Variants in COL5A1 observed in about 807,000 individuals in gnomAD.
The protein encoded by COL5A1 is collagen type V alpha 1 chain, also known as collagen alpha-1(V) chain.
Under a neutral mutation model 263.7 loss-of-function variants are expected in COL5A1, and 16 were observed. That is an observed-to-expected ratio of 0.06 (90% confidence interval 0.04 to 0.09). COL5A1 has a LOEUF of 0.09. COL5A1 is among the 10% of genes least tolerant of loss of function. COL5A1 has a pLI of 1.00. For missense variants in COL5A1, 2,036 were observed against 2,540.5 expected (o/e 0.80, Z 4.27); for synonymous variants, 1,012 against 1,004.5 (o/e 1.01, Z -0.14).
At chr9:134,708,984 T>A (rs1270694986) in intron 4 of COL5A1, 1 of 456,440 alleles carries the variant, frequency 2.2e-6, no homozygotes, top group East Asian at 6.9e-5. Context: ...CCTGTGTCTC[T>A]CTGTGTGACC....
chr9:134,828,547 G>T, intron 63 of COL5A1, among the ~76,000 whole-genome samples: 1 of 131,366 alleles, frequency 7.6e-6, no homozygotes, highest in African/African-American at 2.9e-5. Flanking sequence ...ACACCACAGA[G>T]ATACGCACCA....
chr9:134,730,378 C>T lies in COL5A1; in HGVS notation c.1067C>T (p.Thr356Ile), dbSNP rs777844099. 8.7e-6 allele frequency: 14 copies of T among 1,614,106 alleles called. No individual in the cohort carries two copies. Among genetic ancestry groups the T allele is most frequent in the Non-Finnish European group, 1.1e-5 (13 of 1,180,046 alleles). The change falls in exon 7 of 66, where the codon ACC (threonine) becomes ATC (isoleucine). Residue 356 changes from threonine to isoleucine, a missense_variant. By Grantham distance (89) the Thr-to-Ile change is moderately conservative. Transcript: ENST00000371817. ...YYTPSPYDDL[T>I]YGEGEENPDQ... ...ACGCCCTCACCGTATGATGACCTCA[C>T]CTATGGCGAGGGGGAGGAGAACCCC...
At chr9:134,646,662 C>T (rs897118045) in intron 1 of COL5A1, among the ~76,000 whole-genome samples, 27 of 152,214 alleles carry the variant, frequency 1.8e-4, no homozygotes, top group African/African-American at 6.5e-4. Context: ...TTGACGAGCC[C>T]TGCTGGCCTG....
intron 53 of COL5A1, 102 bp from the exon 54 acceptor site, chr9:134,817,676 C>T (rs1024280701): frequency 1.7e-5 from 18 of 1,088,938 alleles, no homozygotes; most frequent in East Asian, 2.6e-5. Context: ...CCCTCTGCCC[C>T]TGCAGGCCAC....
intron 28 of COL5A1, among the ~76,000 whole-genome samples, chr9:134,780,364 C>T (rs912663516): frequency 1.3e-5 from 2 of 152,202 alleles, no homozygotes; most frequent in Admixed American, 1.3e-4. Flanking sequence ...AGGGGCACAT[C>T]TCCTAGCAGA....
At chr9:134,822,344 C>T (rs1044699088) in intron 59 of COL5A1, among the ~76,000 whole-genome samples, 194 bp downstream of exon 59, 1 of 152,142 alleles carries the variant, frequency 6.6e-6, no homozygotes, top group Non-Finnish European at 1.5e-5. Context: ...TGGCGTTGCC[C>T]GGCCATGGTT....
At chr9:134,723,523 C>G (rs1307193285) in intron 4 of COL5A1, among the ~76,000 whole-genome samples, 1 of 152,226 alleles carries the variant, frequency 6.6e-6, no homozygotes, top group African/African-American at 2.4e-5. Flanking sequence ...CTGGCCACTG[C>G]TTCTGTGGCT....
chr9:134,706,377 G>A (rs896658659), intron 4 of COL5A1, among the ~76,000 whole-genome samples: 1 of 152,208 alleles, frequency 6.6e-6, no homozygotes, highest in African/African-American at 2.4e-5. Flanking sequence ...TTTATCCAGG[G>A]CATAGTCAGG....
At chr9:134,805,731 G>C (rs1373284538) in intron 41 of COL5A1, among the ~76,000 whole-genome samples, 2 of 152,186 alleles carry the variant, frequency 1.3e-5, no homozygotes, top group African/African-American at 4.8e-5. Flanking sequence ...GAGCACAGCA[G>C]AGAGGGGAGT....
rs777571988 is a variant in COL5A1, at chr9:134,789,148, C to G, written c.2647-7C>G. ...CTCTGATGCCTCCTCCTTAAACTCTCTTTCAGGGCTCTATTGGATTCCCTG... is the reference window on the plus strand; with the variant it reads ...CTCTGATGCCTCCTCCTTAAACTCTGTTTCAGGGCTCTATTGGATTCCCTG... On this transcript the variant is annotated splice_polypyrimidine_tract_variant and splice_region_variant and intron_variant, in intron 31 of 65. Transcript: ENST00000371817. The surrounding 1 kb of genome is among the most constrained non-coding windows in gnomAD (Gnocchi z 4.8). 1.9e-6 allele frequency: 3 copies of G among 1,612,864 alleles called. No homozygotes were observed. The South Asian group carries it at 3.3e-5, about 18-fold the overall frequency.
intron 48 of COL5A1, 82 bp downstream of exon 48, chr9:134,812,794 GTA>G: frequency 1.0e-6 from 1 of 968,402 alleles, no homozygotes; most frequent in South Asian, 1.4e-5. Context: ...GTGTCTGTGT[GTA>G]TGTGTATGTG....
chr9:134,769,978 TG>T (rs1361234627), intron 25 of COL5A1, among the ~76,000 whole-genome samples: 68 of 152,346 alleles, frequency 4.5e-4, no homozygotes, highest in African/African-American at 1.6e-3. Flanking sequence ...CTAAAGAGCC[TG>T]CAGTTTCCTT....
intron 4 of COL5A1, among the ~76,000 whole-genome samples, chr9:134,715,748 C>G (rs570327341): frequency 6.6e-6 from 1 of 152,226 alleles, no homozygotes; most frequent in Non-Finnish European, 1.5e-5. Context: ...CATGTCTCTG[C>G]GACCACAGGG....
intron 6 of COL5A1, 98 bp downstream of exon 6, chr9:134,728,905 G>T: frequency 6.6e-7 from 1 of 1,514,066 alleles, no homozygotes; most frequent in South Asian, 1.1e-5. Context: ...GTAGAGGGTT[G>T]GGGGCTGTCT....
At chr9:134,719,552 G>A (rs765357284) in intron 4 of COL5A1, among the ~76,000 whole-genome samples, 4 of 152,240 alleles carry the variant, frequency 2.6e-5, no homozygotes, top group Non-Finnish European at 5.9e-5. Flanking sequence ...CGTCCAGTGG[G>A]TGTTTGGCCC....
intron 12 of COL5A1, 25 bp from the exon 13 acceptor site, chr9:134,750,765 A>C (rs765249614): frequency 6.2e-7 from 1 of 1,612,670 alleles, no homozygotes; most frequent in South Asian, 1.1e-5. Context: ...CTGCTCCCAG[A>C]GTGACCCTTG....
At chr9:134,760,250 ACACACCC>A (rs1836293064) in intron 18 of COL5A1, among the ~76,000 whole-genome samples, 1 of 83,148 alleles carries the variant, frequency 1.2e-5, no homozygotes, top group East Asian at 5.8e-4. Flanking sequence ...ATACACACCC[ACACACCC>A]CACACTGATA....
rs878853653 is a variant in COL5A1, at chr9:134,820,136, G to A, written c.4467G>A (p.Gly1489=). The change falls in exon 58 of 66, where the codon GGG becomes GGA. Residue 1489 remains glycine, a synonymous_variant. Coordinates refer to ENST00000371817, the MANE Select transcript of COL5A1 (RefSeq NM_000093.5). ...KGEKGHPGLI[G]LIGPPGEQGE... is the part of the protein sequence containing the mutation. ...CACAGGGTCATCCAGGCCTGATCGG[G>A]CTCATCGGTCCTCCGGGTGAACAGG... 2 of 1,613,986 alleles carry A rather than the reference G, an allele frequency of 1.2e-6. No individual in the cohort carries two copies. The highest frequency in any genetic ancestry group is 4.5e-5 in the East Asian group (2 of 44,880).
At chr9:134,807,146 A>G (rs1027258741) in intron 42 of COL5A1, among the ~76,000 whole-genome samples, 1 of 152,200 alleles carries the variant, frequency 6.6e-6, no homozygotes, top group Non-Finnish European at 1.5e-5. Context: ...TCTGCATTCA[A>G]TCAGCTCTGG....
Sources: allele counts gnomAD v4.1 joint callset (sites outside exome capture counted in the v4.1 genomes callset), GRCh38; gene constraint gnomAD v4.1.1; non-coding constraint Gnocchi (gnomAD v3.1); transcripts MANE v1.5; gene names NCBI Gene and HGNC (gene_info 2026-07-23, HGNC 2026-07-21).